The following HSPA12A variants were observed in gnomAD, a reference collection of about 807,000 sequenced individuals.
HSPA12A encodes heat shock 70 kDa protein 12A.
Under a neutral mutation model 69.2 loss-of-function variants are expected in HSPA12A, and 28 were observed. The ratio of observed to expected loss-of-function variants is 0.40; its 90% CI spans 0.30 to 0.55. The LOEUF (loss-of-function observed/expected upper bound fraction) is 0.55. Ranked by LOEUF, HSPA12A falls within the 20% of genes least tolerant of loss-of-function variation. The pLI is 0.38. For missense variants in HSPA12A, 686 were observed against 900.7 expected (o/e 0.76, Z 3.05); for synonymous variants, 345 against 370.5 (o/e 0.93, Z 0.79).
At position 116,687,768 on chromosome 10, in the gene HSPA12A, T is replaced by C. The variant is rs536817160; in HGVS notation, c.664-3806A>G. ...CTGCAACCACAGAACACTCTCCGTC[T>C]TTGCTAATTCTGCCTTCAGAGAAGG... On this transcript the variant is annotated intron_variant, in intron 6 of 11. Transcript: ENST00000369209. Among the ~76,000 whole-genome samples, 7 of 152,324 alleles carry C rather than the reference T, an allele frequency of 4.6e-5. No homozygotes were observed. The East Asian group carries it at 1.4e-3, about 29-fold the overall frequency.
At chr10:116,779,565 G>A (rs936576974) in intron 2 of HSPA12A, among the ~76,000 whole-genome samples, 1 of 152,178 alleles carries the variant, frequency 6.6e-6, no homozygotes, top group Non-Finnish European at 1.5e-5. Flanking sequence ...AGACAGGGAA[G>A]GTTGCAGGTG....
At chr10:116,703,534 T>C (rs1295746619) in intron 3 of HSPA12A, among the ~76,000 whole-genome samples, 4 of 103,980 alleles carry the variant, frequency 3.8e-5, no homozygotes, top group African/African-American at 1.2e-4. Context: ...AGCCTGTCTC[T>C]TAAAAAAAAA....
At chr10:116,693,593 A>C (rs1849799242) in intron 5 of HSPA12A, among the ~76,000 whole-genome samples, 1 of 152,196 alleles carries the variant, frequency 6.6e-6, no homozygotes, top group South Asian at 2.1e-4. Flanking sequence ...CTGTGTCTAA[A>C]TCAGCTCTGG....
chr10:116,770,336 G>A (rs1844173085), intron 2 of HSPA12A, among the ~76,000 whole-genome samples: 1 of 152,244 alleles, frequency 6.6e-6, no homozygotes, highest in African/African-American at 2.4e-5. Context: ...AGACCCGCCA[G>A]TACAGACCGA....
intron 2 of HSPA12A, among the ~76,000 whole-genome samples, chr10:116,766,829 A>G (rs1844088292): frequency 6.6e-6 from 1 of 152,164 alleles, no homozygotes; most frequent in Non-Finnish European, 1.5e-5. Flanking sequence ...TTGTTGAGAC[A>G]TTTCCTTTAA....
rs1032818667 is a variant in HSPA12A at position 116,796,336 on chromosome 10, A to G, written c.91+38599T>C. 4.6e-5 allele frequency among the ~76,000 whole-genome samples: 7 copies of G among 150,684 alleles called. No homozygotes were observed. In the East Asian group the frequency reaches 7.7e-4, roughly 17 times the overall value. On this transcript the variant is annotated intron_variant, in intron 2 of 12. Coordinates refer to the HSPA12A transcript ENST00000635765. ...TGGGAAACACTAATCCAAGACTCCA[A>G]AAATGAACTCTAGACCAGTGACAAT... is the stretch of plus-strand genomic sequence containing the variant.
Position 116,727,752 on chromosome 10 carries a change from GT to G in HSPA12A, c.40+14677del, listed in dbSNP as rs71859215. The stretch of plus-strand genomic sequence containing the variant: ...TCCAAGGGTAGGCTAATGTAAGTGG[GT>G]TTTTTTTTTTTTTTTGGTTTTTTGG... On this transcript the variant is annotated intron_variant, in intron 1 of 11. Coordinates refer to ENST00000369209, the MANE Select transcript of HSPA12A (RefSeq NM_025015.3). 2.6e-3 allele frequency among the ~76,000 whole-genome samples: 341 copies of G among 131,376 alleles called. 4 individuals are homozygous for G. In the East Asian group the frequency reaches 0.027, roughly 10 times the overall value. 86.2% of individuals were successfully genotyped at this position (131,376 alleles called of 152,430 possible).
chr10:116,758,238 TC>T (rs1462218413), intron 2 of HSPA12A, among the ~76,000 whole-genome samples: 2 of 152,160 alleles, frequency 1.3e-5, no homozygotes, highest in Non-Finnish European at 2.9e-5. Context: ...TGTCCTGCCT[TC>T]TGAGAAGCAT....
At chr10:116,749,660 C>G (rs1353317352) in intron 2 of HSPA12A, among the ~76,000 whole-genome samples, 1 of 152,208 alleles carries the variant, frequency 6.6e-6, no homozygotes, top group African/African-American at 2.4e-5. Context: ...TTACAGTTCA[C>G]AAAGCACCCT....
At chr10:116,805,380 G>T (rs1172760961) in intron 2 of HSPA12A, among the ~76,000 whole-genome samples, 1 of 151,378 alleles carries the variant, frequency 6.6e-6, no homozygotes, top group East Asian at 1.9e-4. Flanking sequence ...GGAGTTGAAG[G>T]TTTTTTTTTG....
intron 2 of HSPA12A, among the ~76,000 whole-genome samples, chr10:116,817,416 C>T (rs897067088): frequency 2.7e-5 from 4 of 149,746 alleles, no homozygotes; most frequent in African/African-American, 9.8e-5. Context: ...CAGCCTTCTG[C>T]GGTGACCTTA....
intron 2 of HSPA12A, among the ~76,000 whole-genome samples, chr10:116,768,725 G>T (rs1844133957): frequency 6.6e-6 from 1 of 152,062 alleles, no homozygotes; most frequent in Admixed American, 6.6e-5. Flanking sequence ...GACTGGTCTT[G>T]AACTGCTGGC....
Position 116,705,192 on chromosome 10 carries a change from G to A in HSPA12A, c.213C>T (p.Ala71=), listed in dbSNP as rs372205030. ...VDFGTTSSGY[A]YSFTKEPECI... ...ATTCCGGCTCCTTGGTGAAGCTGTA[G>A]GCATAGCCACTGGATGTGGTCCCAA... The change falls in exon 3 of 12, where the codon GCC becomes GCT. Residue 71 remains alanine (A), a synonymous_variant. Transcript: ENST00000369209. 14 of 1,614,088 alleles carry A rather than the reference G, an allele frequency of 8.7e-6. No individual in the cohort carries two copies. The highest frequency in any genetic ancestry group is 2.7e-5 in the African/African-American group (2 of 74,936).
At chr10:116,830,529 C>T (rs1252300513) in intron 2 of HSPA12A, 1 of 149,518 alleles carries the variant, frequency 6.7e-6, no homozygotes, top group Non-Finnish European at 1.5e-5. Context: ...AATCCCACCA[C>T]TTTGGGAGCA....
intron 1 of HSPA12A, among the ~76,000 whole-genome samples, chr10:116,840,477 T>A (rs1845785844): frequency 6.6e-6 from 1 of 152,212 alleles, no homozygotes; most frequent in African/African-American, 2.4e-5. Flanking sequence ...TGATTCTGTA[T>A]TCTCAAAATC....
chr10:116,757,188 G>A (rs1210337001), intron 2 of HSPA12A, among the ~76,000 whole-genome samples: 3 of 152,208 alleles, frequency 2.0e-5, no homozygotes, highest in African/African-American at 7.2e-5. Context: ...TGGGGGAAAT[G>A]GGGGATGACC....
chr10:116,727,252 T>C (rs190115865), intron 1 of HSPA12A, among the ~76,000 whole-genome samples: 7 of 152,260 alleles, frequency 4.6e-5, no homozygotes, highest in African/African-American at 1.4e-4. Context: ...ACAGCTAAAG[T>C]CATCTCAAGG....
rs578237467 is a variant in HSPA12A, at chr10:116,735,836, A to T, written c.40+6594T>A. Among the ~76,000 whole-genome samples the T allele has an allele frequency of 1.3e-4, 10 of 77,954 alleles. No individual in the cohort carries two copies. The South Asian group carries it at 2.1e-3, about 16-fold the overall frequency. The allele number at this position is 77,954 out of a possible 152,430, so 51.1% of individuals were successfully genotyped here. On this transcript the variant is annotated intron_variant, in intron 1 of 11. Transcript: ENST00000369209. ...ACATAGTGAGACCTTGTCCCTATTT[A>T]AAAAAAAAAAAAAAGCCAGGCATGG...
At chr10:116,843,258 G>A (rs1845831869) in intron 1 of HSPA12A, among the ~76,000 whole-genome samples, 1 of 152,164 alleles carries the variant, frequency 6.6e-6, no homozygotes, top group Non-Finnish European at 1.5e-5. Flanking sequence ...TACATCACCA[G>A]GAGGCATAAT....
Sources: gnomAD v4.1 joint callset for allele counts (sites outside exome capture counted in the v4.1 genomes callset) on GRCh38, gnomAD v4.1.1 for gene constraint, MANE v1.5 for transcripts, NCBI Gene and HGNC (gene_info 2026-07-23, HGNC 2026-07-21) for gene names.